The following SFMBT2 variants were observed in gnomAD, a reference collection of about 807,000 sequenced individuals.
The protein encoded by SFMBT2 is Scm like with four mbt domains 2.
Under a neutral mutation model 110.1 loss-of-function variants are expected in SFMBT2, and 38 were observed. That is an observed-to-expected ratio of 0.35 (90% CI 0.27 to 0.45). The LOEUF is 0.45. SFMBT2 is among the 20% of genes least tolerant of loss of function. The probability of loss-of-function intolerance (pLI) is 1.00; values close to 1 mark genes in which losing one functional copy is unlikely to be tolerated. For missense variants in SFMBT2, 1,011 were observed against 1,094.9 expected (o/e 0.92, Z 1.08); for synonymous variants, 425 against 425.4 (o/e 1.00, Z 0.01).
intron 3 of SFMBT2, among the ~76,000 whole-genome samples, chr10:7,369,475 A>G (rs1298672756): frequency 1.3e-5 from 2 of 152,214 alleles, no homozygotes; most frequent in Non-Finnish European, 2.9e-5. Context: ...ATAAAAACTG[A>G]CTTTTTAAAA....
intron 4 of SFMBT2, among the ~76,000 whole-genome samples, chr10:7,294,256 C>A (rs1006536441): frequency 2.0e-5 from 3 of 152,218 alleles, no homozygotes; most frequent in Non-Finnish European, 4.4e-5. Context: ...TCACCCAGTG[C>A]ATCTGTATGG....
intron 1 of SFMBT2, among the ~76,000 whole-genome samples, chr10:7,399,308 C>T: frequency 6.6e-6 from 1 of 152,282 alleles, no homozygotes; most frequent in South Asian, 2.1e-4. Flanking sequence ...TCTTGGTTCA[C>T]TGCAACCTCT....
At chr10:7,353,092 G>A (rs1340055081) in intron 4 of SFMBT2, among the ~76,000 whole-genome samples, 1 of 152,122 alleles carries the variant, frequency 6.6e-6, no homozygotes, top group African/African-American at 2.4e-5. Context: ...CCAAAATTGA[G>A]TTCATCACTG....
chr10:7,248,592 T>G lies in SFMBT2; in HGVS notation c.928A>C (p.Asn310His). 6.2e-7 allele frequency: 1 copy of G among 1,614,164 alleles called. No homozygotes were observed. Among genetic ancestry groups the G allele is most frequent in the Non-Finnish European group, 8.5e-7 (1 of 1,180,020 alleles). The part of the protein sequence containing the change: ...FTVGMKLETV[N>H]MCEPFYISPA... ...GAGATGTAAAAGGGCTCGCACATAT[T>G]CACTGTCTCAAGCTTCATCCCAACT... is the stretch of plus-strand genomic sequence containing the variant. The change falls in exon 8 of 21, where the codon AAT becomes CAT. Residue 310 changes from asparagine to histidine, a missense_variant. This residue lies in a region of SFMBT2 where 979 missense variants were observed against 1,016.1 expected (regional missense o/e 0.96). Transcript: ENST00000397167.
Position 7,340,052 on chromosome 10 carries a change from G to C in SFMBT2, c.436+27597C>G, listed in dbSNP as rs546282685. Among the ~76,000 whole-genome samples the C allele has an allele frequency of 2.6e-5, 4 of 152,302 alleles. No homozygotes were observed. In the East Asian group the frequency reaches 5.8e-4, roughly 22 times the overall value. ...GAGTGTGCAAGTGAAAGCCATGCAG[G>C]TTCCTGAGACAGCCACAGTCGGTGG... On this transcript the variant is annotated intron_variant, in intron 4 of 20. Transcript: ENST00000397167.
intron 4 of SFMBT2, among the ~76,000 whole-genome samples, chr10:7,364,613 T>C (rs1844831374): frequency 6.6e-6 from 1 of 152,236 alleles, no homozygotes; most frequent in Non-Finnish European, 1.5e-5. Flanking sequence ...TATTACAAAA[T>C]GAAACCATCT....
chr10:7,234,027 T>G (rs1840184993), intron 9 of SFMBT2, among the ~76,000 whole-genome samples: 1 of 152,244 alleles, frequency 6.6e-6, no homozygotes, highest in African/African-American at 2.4e-5. Context: ...ACTAAAGCAT[T>G]TGTTCTTGTC....
At position 7,367,617 on chromosome 10, in the gene SFMBT2, C is replaced by T. The variant is rs780007190; in HGVS notation, c.436+32G>A. ...ACAGGCGTCATGAAGGATGGCGGCTCGTAAATCGAAGCCTTTGAAACAGGG... is the reference window on the plus strand; with the variant it reads ...ACAGGCGTCATGAAGGATGGCGGCTTGTAAATCGAAGCCTTTGAAACAGGG... On this transcript the variant is annotated intron_variant, in intron 4 of 20. Transcript: ENST00000397167. This position sits in a 1 kb window ranked among gnomAD's most constrained non-coding sequence, Gnocchi z 6.2. 9 of 1,593,652 alleles carry T rather than the reference C, an allele frequency of 5.6e-6. No individual in the cohort carries two copies. The highest frequency in any genetic ancestry group is 5.6e-5 in the South Asian group (5 of 89,632).
intron 4 of SFMBT2, chr10:7,348,224 G>A (rs866503475): frequency 2.3e-5 from 32 of 1,398,702 alleles, no homozygotes; most frequent in Middle Eastern, 1.8e-4. Context: ...GGAGAGGTTC[G>A]TGTGGGATCG....
At chr10:7,285,839 C>A in intron 5 of SFMBT2, 27 bp downstream of exon 5, 1 of 868,376 alleles carries the variant, frequency 1.2e-6, no homozygotes, top group Non-Finnish European at 2.0e-6. Flanking sequence ...TTCAGAGATA[C>A]ATTAGATGTA....
intron 4 of SFMBT2, chr10:7,295,144 T>A (rs934385206): frequency 6.6e-6 from 1 of 152,188 alleles, no homozygotes; most frequent in African/African-American, 2.4e-5. Flanking sequence ...GCCTTCCTCA[T>A]CTCCTCAAAA....
chr10:7,193,682 C>G (rs1253674994), intron 15 of SFMBT2, among the ~76,000 whole-genome samples: 1 of 152,212 alleles, frequency 6.6e-6, no homozygotes, highest in Non-Finnish European at 1.5e-5. Context: ...CAGGCTGGCT[C>G]ACTGGTTTGC....
chr10:7,277,138 C>CTCTGAAACA, intron 6 of SFMBT2, 149 bp from the exon 7 acceptor site: 1 of 585,942 alleles, frequency 1.7e-6, no homozygotes. Flanking sequence ...CATGAGCAGC[C>CTCTGAAACA]ACCTGCTGAA....
At chr10:7,402,402 G>A (rs938819456) in intron 1 of SFMBT2, among the ~76,000 whole-genome samples, 1 of 152,230 alleles carries the variant, frequency 6.6e-6, no homozygotes, top group East Asian at 1.9e-4. Flanking sequence ...ATAGAGGAGG[G>A]TGAAGATGAA....
chr10:7,345,981 G>A (rs879901176), intron 4 of SFMBT2, among the ~76,000 whole-genome samples: 5 of 152,116 alleles, frequency 3.3e-5, no homozygotes, highest in Admixed American at 6.5e-5. Context: ...CTGCTATTTC[G>A]CAGAGCACTC....
chr10:7,388,524 A>ATTTTTTTTTTTTTTT (rs60231769), intron 1 of SFMBT2, among the ~76,000 whole-genome samples: 3 of 112,096 alleles, frequency 2.7e-5, no homozygotes, highest in Admixed American at 1.0e-4. Context: ...TACCCAGCTA[A>ATTTTTTTTTTTTTTT]TTTTTTTTTT....
rs1247245698 is a variant in SFMBT2 at position 7,159,815 on chromosome 10, T to C, written c.*3955A>G. On this transcript the variant is annotated 3_prime_UTR_variant, in exon 21 of 21. Transcript: ENST00000397167. ...ATAAATGGGTGTTCTATAAAATAAG[T>C]ATGAAAACCCCTAGTACTTCTAAAA... The C allele has an allele frequency of 2.0e-5, 3 of 152,174 alleles. No individual in the cohort carries two copies. Among genetic ancestry groups the C allele is most frequent in the African/African-American group, 7.2e-5 (3 of 41,434 alleles). 9.4% of individuals were successfully genotyped at this position (152,174 alleles called of 1,614,324 possible).
intron 2 of SFMBT2, 118 bp from the exon 3 acceptor site, chr10:7,370,493 A>G: frequency 8.2e-6 from 7 of 852,590 alleles, no homozygotes; most frequent in Non-Finnish European, 1.3e-5. Flanking sequence ...CACAGTTCAG[A>G]AGGATATTGC....
chr10:7,178,371 T>C (rs1838141091), intron 16 of SFMBT2, among the ~76,000 whole-genome samples: 1 of 152,060 alleles, frequency 6.6e-6, no homozygotes, highest in Non-Finnish European at 1.5e-5. Flanking sequence ...AAAACGAGAG[T>C]TCTGGAAATC....
Sources: gnomAD v4.1 joint callset for allele counts (sites outside exome capture counted in the v4.1 genomes callset) on GRCh38, gnomAD v4.1.1 for gene constraint, gnomAD v4.1.1 regional missense constraint, Gnocchi (gnomAD v3.1) non-coding constraint, MANE v1.5 for transcripts, NCBI Gene and HGNC (gene_info 2026-07-23, HGNC 2026-07-21) for gene names.